The following MED12L variants were observed in gnomAD, a reference collection of about 807,000 sequenced individuals.
The protein encoded by MED12L is mediator complex subunit 12L.
In MED12L, 60 loss-of-function variants were observed where a neutral mutation model predicts 281.3. The observed-to-expected ratio is 0.21, with a 90% confidence interval of 0.17 to 0.26. MED12L has a LOEUF of 0.26. Among genes scored for constraint, MED12L ranks in the 10% least tolerant of loss-of-function variants. MED12L has a pLI of 1.00. For synonymous variants in MED12L, 974 were observed against 987.2 expected (o/e 0.99, Z 0.25); for missense variants, 2,146 against 2,680.9 (o/e 0.80, Z 4.41).
chr3:151,319,924 A>G (rs1748795905), intron 16 of MED12L, among the ~76,000 whole-genome samples: 1 of 152,306 alleles, frequency 6.6e-6, no homozygotes, highest in African/African-American at 2.4e-5. Context: ...CTCAAGGAGA[A>G]AAAGTGTCAC....
chr3:151,144,817 G>T (rs1430694117), intron 5 of MED12L, among the ~76,000 whole-genome samples: 2 of 152,086 alleles, frequency 1.3e-5, no homozygotes, highest in East Asian at 3.9e-4. Flanking sequence ...AGTCCTGTCA[G>T]TTTCCCTCAG....
chr3:151,274,839 C>T (rs1741582212), intron 16 of MED12L, among the ~76,000 whole-genome samples: 1 of 152,218 alleles, frequency 6.6e-6, no homozygotes, highest in Non-Finnish European at 1.5e-5. Flanking sequence ...AGAACCTTTT[C>T]ATCACACCAT....
chr3:151,308,286 G>T (rs1188199794), intron 16 of MED12L, among the ~76,000 whole-genome samples: 1 of 151,940 alleles, frequency 6.6e-6, no homozygotes, highest in East Asian at 1.9e-4. Flanking sequence ...CAGATCAGGA[G>T]ATCTGTATCA....
chr3:151,279,779 C>G (rs1400763456), intron 16 of MED12L, among the ~76,000 whole-genome samples: 1 of 152,180 alleles, frequency 6.6e-6, no homozygotes, highest in Non-Finnish European at 1.5e-5. Context: ...AAACATTTTG[C>G]TGATTAAATT....
chr3:151,317,639 A>G (rs1748459791), intron 16 of MED12L, among the ~76,000 whole-genome samples: 1 of 151,030 alleles, frequency 6.6e-6, no homozygotes. Context: ...TTTAGTAGAG[A>G]CGGGGTTTCT....
At chr3:151,378,306 C>A (rs1711584890) in intron 31 of MED12L, 133 bp downstream of exon 31, 2 of 918,198 alleles carry the variant, frequency 2.2e-6, no homozygotes, top group Non-Finnish European at 3.1e-6. Context: ...TGGGAATATT[C>A]TATTAGGCAA....
At chr3:151,269,660 T>C in intron 16 of MED12L, 1 of 407,136 alleles carries the variant, frequency 2.5e-6, no homozygotes, top group Non-Finnish European at 4.7e-6. Context: ...AGTGACAGAA[T>C]TTGGAGGTAT....
chr3:151,236,524 T>C (rs916382066), intron 16 of MED12L, among the ~76,000 whole-genome samples: 1 of 152,212 alleles, frequency 6.6e-6, no homozygotes, highest in Non-Finnish European at 1.5e-5. Flanking sequence ...ACCTTGACAG[T>C]AAGCAGCTGC....
At chr3:151,353,937 C>T (rs1385946026) in intron 17 of MED12L, among the ~76,000 whole-genome samples, 4 of 151,678 alleles carry the variant, frequency 2.6e-5, no homozygotes, top group African/African-American at 7.3e-5. Flanking sequence ...GTCAGGAGAT[C>T]GAGACCATCC....
At chr3:151,360,405 A>T (rs1276235400) in intron 20 of MED12L, 69 bp from the exon 21 acceptor site, 2 of 1,433,108 alleles carry the variant, frequency 1.4e-6, no homozygotes, top group East Asian at 4.6e-5. Flanking sequence ...TTTTCATTCT[A>T]AAAGAGTCAA....
intron 16 of MED12L, among the ~76,000 whole-genome samples, chr3:151,312,243 G>C (rs559155003): frequency 1.3e-5 from 2 of 152,186 alleles, no homozygotes; most frequent in African/African-American, 2.4e-5. Flanking sequence ...ATCCTCAAAT[G>C]CCTACAGTCT....
intron 44 of MED12L, among the ~76,000 whole-genome samples, chr3:151,430,676 G>A (rs1167871483): frequency 7.6e-6 from 1 of 132,242 alleles, no homozygotes; most frequent in Non-Finnish European, 1.5e-5. Flanking sequence ...AATCAAAGGT[G>A]TCCTTTGTTT....
intron 5 of MED12L, among the ~76,000 whole-genome samples, chr3:151,148,836 A>G (rs961564997): frequency 1.3e-5 from 2 of 152,242 alleles, no homozygotes; most frequent in African/African-American, 2.4e-5. Flanking sequence ...CTATACATAC[A>G]CATACATTTA....
intron 39 of MED12L, among the ~76,000 whole-genome samples, chr3:151,401,403 G>A (rs576724650): frequency 1.0e-3 from 153 of 152,024 alleles, no homozygotes; most frequent in Non-Finnish European, 1.9e-3. Flanking sequence ...AAGTGGTGGT[G>A]ATTCCTCTTA....
chr3:151,285,435 C>T (rs1260660359), intron 16 of MED12L, among the ~76,000 whole-genome samples: 2 of 151,774 alleles, frequency 1.3e-5, no homozygotes, highest in Non-Finnish European at 2.9e-5. Context: ...TTGCAGTGAG[C>T]AGAGATTGCG....
At chr3:151,379,059 G>T (rs1285747004) in intron 31 of MED12L, among the ~76,000 whole-genome samples, 1 of 152,232 alleles carries the variant, frequency 6.6e-6, no homozygotes, top group Non-Finnish European at 1.5e-5. Context: ...AGGAGGTCTG[G>T]CTTCTGAGCT....
intron 16 of MED12L, among the ~76,000 whole-genome samples, chr3:151,248,705 T>G (rs9880339): frequency 0.47 from 71,344 of 151,962 alleles, 17,430 homozygotes; most frequent in Middle Eastern, 0.63. Flanking sequence ...TAGACTTGGT[T>G]TATTACTTGA....
At chr3:151,304,596 TAA>T (rs5853513) in intron 16 of MED12L, among the ~76,000 whole-genome samples, 4,020 of 147,126 alleles carry the variant, frequency 0.027, 172 homozygotes, top group African/African-American at 0.09. Context: ...CAGCTTGGAT[TAA>T]AAAAAAAAAA....
At chr3:151,340,238 T>G (rs574542995) in intron 16 of MED12L, among the ~76,000 whole-genome samples, 3 of 152,330 alleles carry the variant, frequency 2.0e-5, no homozygotes, top group Non-Finnish European at 4.4e-5. Context: ...GAAATTCGAC[T>G]TAGTGAATAT....
Sources: allele counts gnomAD v4.1 joint callset (sites outside exome capture counted in the v4.1 genomes callset), GRCh38; gene constraint gnomAD v4.1.1; transcripts MANE v1.5; gene names NCBI Gene and HGNC (gene_info 2026-07-23, HGNC 2026-07-21).